PRSS23: variants seen among roughly 807,000 people sequenced by gnomAD.
PRSS23 encodes protease, serine 23.
In PRSS23, 25 loss-of-function variants were observed where a neutral mutation model predicts 34.7. That is an observed-to-expected ratio of 0.72 (90% CI 0.53 to 1.01). The LOEUF (loss-of-function observed/expected upper bound fraction) is 1.01, where lower values mean the gene tolerates loss of function less well. Among genes scored for constraint, PRSS23 ranks in the 50% least tolerant of loss-of-function variants. PRSS23 has a pLI of 0.00. For synonymous variants in PRSS23, 176 were observed against 186.6 expected, an observed-to-expected ratio of 0.94 and a Z score of 0.46; for missense variants, 445 against 475.6, an observed-to-expected ratio of 0.94 and a Z score of 0.60.
chr11:86,869,620 T>A (rs1448572954), intron 2 of PRSS23, among the ~76,000 whole-genome samples: 2 of 152,106 alleles, frequency 1.3e-5, no homozygotes, highest in Non-Finnish European at 2.9e-5. Context: ...TTAAATGATG[T>A]GTCCAAGGTT....
chr11:86,879,001 C>T, intron 2 of PRSS23, among the ~76,000 whole-genome samples: 1 of 137,836 alleles, frequency 7.3e-6, no homozygotes, highest in Non-Finnish European at 1.6e-5. Context: ...CGGCCGCCAT[C>T]CCGTCTAGGA....
chr11:86,791,906 T>A (rs914846811), intron 1 of PRSS23, among the ~76,000 whole-genome samples: 2 of 152,248 alleles, frequency 1.3e-5, no homozygotes, highest in African/African-American at 4.8e-5. Flanking sequence ...CCAGTAGCTA[T>A]TCACAGGGTT....
At chr11:86,939,421 T>TTTTTTTTTTTTAAAAAAA (rs1949189479) in intron 2 of PRSS23, among the ~76,000 whole-genome samples, 1 of 99,722 alleles carries the variant, frequency 1.0e-5, no homozygotes, top group Non-Finnish European at 2.3e-5. Context: ...TATATATATA[T>TTTTTTTTTTTTAAAAAAA]ATATATTTTT....
chr11:86,865,618 T>G (rs890141182), intron 2 of PRSS23, among the ~76,000 whole-genome samples: 4 of 152,220 alleles, frequency 2.6e-5, no homozygotes, highest in Non-Finnish European at 5.9e-5. Flanking sequence ...AGCTGGGTTC[T>G]GTTTGATCAT....
Position 86,926,472 on chromosome 11 carries a change from A to T in PRSS23, c.207-24744A>T, listed in dbSNP as rs368736921. On this transcript the variant is annotated intron_variant, in intron 2 of 2. Transcript: ENST00000533902. ...TTACCAGTTGCAAGACCCACCTGAA[A>T]GAGTTTAAATAAAGGGGTACCCATA... Among the ~76,000 whole-genome samples, 46 of 152,362 alleles carry T rather than the reference A, an allele frequency of 3.0e-4. No individual in the cohort carries two copies. The South Asian group carries it at 8.1e-3, about 27-fold the overall frequency.
chr11:86,865,236 G>A (rs969406139), intron 2 of PRSS23, among the ~76,000 whole-genome samples: 7 of 152,142 alleles, frequency 4.6e-5, no homozygotes, highest in Non-Finnish European at 1.0e-4. Flanking sequence ...GGCAAGTTGA[G>A]GTTTCAATTC....
intron 2 of PRSS23, among the ~76,000 whole-genome samples, chr11:86,826,962 G>T (rs1167118301): frequency 6.6e-6 from 1 of 151,968 alleles, no homozygotes; most frequent in Admixed American, 6.6e-5. Context: ...CTCTTTTTTG[G>T]TTGTGTCTCT....
chr11:86,835,201 A>T (rs1199239869), intron 2 of PRSS23, among the ~76,000 whole-genome samples: 1 of 152,250 alleles, frequency 6.6e-6, no homozygotes, highest in Non-Finnish European at 1.5e-5. Context: ...AGCAGTGAGT[A>T]TGCCTTTCAC....
chr11:86,884,395 G>A (rs1948789305), intron 2 of PRSS23, among the ~76,000 whole-genome samples: 1 of 152,176 alleles, frequency 6.6e-6, no homozygotes, highest in African/African-American at 2.4e-5. Context: ...CACCTCCTGG[G>A]TTCAAGTGAT....
At chr11:86,833,815 C>A (rs1156721051) in intron 2 of PRSS23, among the ~76,000 whole-genome samples, 1 of 152,134 alleles carries the variant, frequency 6.6e-6, no homozygotes, top group Non-Finnish European at 1.5e-5. Context: ...CTCAGTCCCC[C>A]CTCTCAACAG....
At chr11:86,873,934 C>G (rs1268411624) in intron 2 of PRSS23, among the ~76,000 whole-genome samples, 1 of 152,068 alleles carries the variant, frequency 6.6e-6, no homozygotes, top group East Asian at 1.9e-4. Flanking sequence ...ATGTGAAGTT[C>G]CTGTGTTATT....
At chr11:86,837,734 T>C (rs920793942) in intron 2 of PRSS23, 5 of 152,246 alleles carry the variant, frequency 3.3e-5, no homozygotes, top group African/African-American at 9.7e-5. Flanking sequence ...ACTGCTGCAC[T>C]TCAGTCTGGG....
At chr11:86,939,480 T>C (rs1469329112) in intron 2 of PRSS23, among the ~76,000 whole-genome samples, 1 of 146,440 alleles carries the variant, frequency 6.8e-6, no homozygotes, top group Admixed American at 6.9e-5. Flanking sequence ...CTTGAATGGC[T>C]ACTAAAGATT....
intron 2 of PRSS23, among the ~76,000 whole-genome samples, chr11:86,871,172 C>T (rs1948682173): frequency 6.6e-6 from 1 of 152,178 alleles, no homozygotes; most frequent in Non-Finnish European, 1.5e-5. Context: ...CTTGATCCTA[C>T]TGAGGCTTGG....
intron 2 of PRSS23, chr11:86,911,274 T>A (rs1164790100): frequency 1.3e-5 from 2 of 152,116 alleles, no homozygotes; most frequent in Non-Finnish European, 2.9e-5. Flanking sequence ...ACCACATCAC[T>A]TTCTTTTTAA....
chr11:86,950,732 T>A, intron 2 of PRSS23: 1 of 254,788 alleles, frequency 3.9e-6, no homozygotes, highest in South Asian at 5.6e-5. Flanking sequence ...CAGTTAGTAT[T>A]TAAAATGGTA....
chr11:86,897,852 C>G (rs1057509515), intron 2 of PRSS23, among the ~76,000 whole-genome samples: 12 of 152,188 alleles, frequency 7.9e-5, no homozygotes, highest in African/African-American at 2.7e-4. Flanking sequence ...CTCAGCATCT[C>G]CTTTTTCTTA....
intron 2 of PRSS23, among the ~76,000 whole-genome samples, chr11:86,824,177 G>C (rs930506729): frequency 6.6e-6 from 1 of 151,356 alleles, no homozygotes; most frequent in African/African-American, 2.4e-5. Flanking sequence ...GCATGGCCCC[G>C]TATGCCTGTG....
chr11:86,839,057 A>T (rs1415835933), intron 2 of PRSS23, among the ~76,000 whole-genome samples: 2 of 72,820 alleles, frequency 2.7e-5, no homozygotes, highest in Admixed American at 1.4e-4. Flanking sequence ...GCAAAAAATT[A>T]AAAAAAAAAA....
Sources: allele counts gnomAD v4.1 joint callset (sites outside exome capture counted in the v4.1 genomes callset), GRCh38; gene constraint gnomAD v4.1.1; transcripts MANE v1.5; gene names NCBI Gene and HGNC (gene_info 2026-07-23, HGNC 2026-07-21).